Variants in KDM2B observed in about 807,000 individuals in gnomAD.
KDM2B encodes lysine-specific demethylase 2B.
A neutral mutation model predicts 150.0 loss-of-function variants in KDM2B; 26 were observed. The ratio of observed to expected loss-of-function variants is 0.17; its 90% CI spans 0.13 to 0.24. The LOEUF is 0.24. KDM2B is among the 10% of genes least tolerant of loss of function. The pLI is 1.00. For synonymous variants in KDM2B, 734 were observed against 729.5 expected (o/e 1.01, Z -0.10); for missense variants, 1,265 against 1,816.9 (o/e 0.70, Z 5.52).
At chr12:121,485,797 G>C (rs1405475150) in intron 12 of KDM2B, among the ~76,000 whole-genome samples, 2 of 150,106 alleles carry the variant, frequency 1.3e-5, no homozygotes, top group African/African-American at 4.9e-5. Flanking sequence ...TTTTTTTTGA[G>C]ATGGAGTCTT....
chr12:121,435,658 G>A (rs903094491), intron 22 of KDM2B, among the ~76,000 whole-genome samples: 1 of 152,078 alleles, frequency 6.6e-6, no homozygotes, highest in East Asian at 1.9e-4. Context: ...AAAAGTGGGG[G>A]CTAAGGGAAA....
At chr12:121,445,754 A>C (rs889386590) in intron 13 of KDM2B, among the ~76,000 whole-genome samples, 6 of 152,254 alleles carry the variant, frequency 3.9e-5, no homozygotes, top group Admixed American at 1.3e-4. Context: ...GGCTGGAGTG[A>C]GGGGCAGAAG....
chr12:121,442,187 C>G lies in KDM2B; in HGVS notation c.3254G>C (p.Cys1085Ser). 1.2e-6 allele frequency: 2 copies of G among 1,613,572 alleles called. No individual in the cohort carries two copies. Among genetic ancestry groups the G allele is most frequent in the Non-Finnish European group, 1.7e-6 (2 of 1,179,948 alleles). ...GTTCCAGGTCCTGCAGACCCGCATG[C>G]ACACACACAGGTCTTGGTGGCTGAG... is the stretch of plus-strand genomic sequence containing the variant. The part of the protein sequence containing the change: ...SYLSHQDLCV[C>S]MRVCRTWNRW... The change falls in exon 19 of 23, where the codon TGC becomes TCC. Residue 1085 changes from cysteine to serine, a missense_variant. Physicochemically the swap from Cys to Ser is moderately radical, Grantham distance 112. This residue lies in a region of KDM2B where 251 missense variants were observed against 397.8 expected (regional missense o/e 0.63). Coordinates refer to ENST00000377071, the MANE Select transcript of KDM2B (RefSeq NM_032590.5). This position sits in a 1 kb window ranked among gnomAD's most constrained non-coding sequence, Gnocchi z 7.7.
intron 11 of KDM2B, among the ~76,000 whole-genome samples, chr12:121,507,523 C>G (rs186303571): frequency 6.6e-6 from 1 of 152,190 alleles, no homozygotes; most frequent in South Asian, 2.1e-4. Context: ...GCGCTGCTTG[C>G]GCTTTTTCTA....
intron 12 of KDM2B, among the ~76,000 whole-genome samples, chr12:121,474,359 CA>C (rs1208144570): frequency 2.0e-5 from 3 of 151,768 alleles, no homozygotes; most frequent in Admixed American, 6.6e-5. Flanking sequence ...CTAAAAAATA[CA>C]AAAAAATTAG....
Position 121,578,877 on chromosome 12 carries a change from G to T in KDM2B, c.196C>A (p.Arg66Ser). ...AGCTTCTCCTCCAGGCTGAAGCCGC[G>T]GACGCTGACGATCTCCTCCACGTCC... Reference protein sequence around the residue: ...LSDVEEIVSVRGFSLEEKLRS... With the variant: ...LSDVEEIVSVSGFSLEEKLRS... Residue 66 changes from arginine to serine, a missense_variant, in exon 2 of 23, where the codon CGC becomes AGC. Around this residue, in one of 11 missense-constraint regions of KDM2B, gnomAD observed 214 missense variants for 447.4 expected, o/e 0.48. Coordinates refer to ENST00000377071, the MANE Select transcript of KDM2B (RefSeq NM_032590.5). The T allele has an allele frequency of 6.2e-7, 1 of 1,612,770 alleles. No individual in the cohort carries two copies. Among genetic ancestry groups the T allele is most frequent in the African/African-American group, 1.3e-5 (1 of 75,014 alleles).
chr12:121,540,020 A>G (rs1888476102), intron 6 of KDM2B, among the ~76,000 whole-genome samples: 1 of 152,156 alleles, frequency 6.6e-6, no homozygotes, highest in Non-Finnish European at 1.5e-5. Flanking sequence ...GATCACAGAC[A>G]TGAGCCACCG....
At chr12:121,438,454 G>A (rs10444489) in intron 22 of KDM2B, among the ~76,000 whole-genome samples, 3 of 152,052 alleles carry the variant, frequency 2.0e-5, no homozygotes, top group Non-Finnish European at 4.4e-5. Flanking sequence ...ATGAAGAGAT[G>A]TAATAAAATG....
intron 11 of KDM2B, among the ~76,000 whole-genome samples, chr12:121,500,575 G>A (rs1463062047): frequency 1.8e-4 from 27 of 152,250 alleles, no homozygotes; most frequent in Admixed American, 1.6e-3. Flanking sequence ...ATATCCCACT[G>A]TGAAAACAAG....
At chr12:121,492,984 C>G (rs1328997622) in intron 12 of KDM2B, among the ~76,000 whole-genome samples, 1 of 151,334 alleles carries the variant, frequency 6.6e-6, no homozygotes, top group Non-Finnish European at 1.5e-5. Flanking sequence ...CAGCCTCAAG[C>G]TCCTGGGCTC....
chr12:121,486,123 T>C (rs1882726828), intron 12 of KDM2B, among the ~76,000 whole-genome samples: 1 of 150,804 alleles, frequency 6.6e-6, no homozygotes, highest in South Asian at 2.1e-4. Context: ...CATTTTTTTT[T>C]TTTTGAGATG....
At chr12:121,558,172 A>T (rs56143622) in intron 4 of KDM2B, among the ~76,000 whole-genome samples, 4,085 of 152,248 alleles carry the variant, frequency 0.027, 175 homozygotes, top group African/African-American at 0.094. Flanking sequence ...TAGAACAGAG[A>T]CTGGTGCAGG....
At chr12:121,529,622 G>C (rs1887454245) in intron 8 of KDM2B, among the ~76,000 whole-genome samples, 1 of 151,924 alleles carries the variant, frequency 6.6e-6, no homozygotes, top group Admixed American at 6.6e-5. Flanking sequence ...CCCAGGCCTG[G>C]GGAGGACCTA....
At chr12:121,443,821 G>C (rs781983864) in intron 16 of KDM2B, 28 bp from the exon 17 acceptor site, 6 of 1,450,978 alleles carry the variant, frequency 4.1e-6, no homozygotes, top group Non-Finnish European at 5.7e-6. Flanking sequence ...GGGAAGAGGA[G>C]TGACTCGCTG....
In KDM2B at chr12:121,452,439, T is replaced by A. The variant is rs1877446256; in HGVS notation, c.1959+681A>T. On this transcript the variant is annotated intron_variant, in intron 13 of 22. Coordinates refer to ENST00000377071, the MANE Select transcript of KDM2B (RefSeq NM_032590.5). This position sits in a 1 kb window ranked among gnomAD's most constrained non-coding sequence, Gnocchi z 4.4. ...AGATGAGCGCACCAGGGCCGAGGAA[T>A]CCCGTCCCTCCAGCCGAGCCTGCTT... Among the ~76,000 whole-genome samples the A allele has an allele frequency of 6.6e-6, 1 of 152,128 alleles. No individual in the cohort carries two copies. The highest frequency in any genetic ancestry group is 6.5e-5 in the Admixed American group (1 of 15,276).
intron 6 of KDM2B, among the ~76,000 whole-genome samples, chr12:121,541,359 G>A (rs1213459669): frequency 7.7e-6 from 1 of 129,538 alleles, no homozygotes; most frequent in East Asian, 2.5e-4. Flanking sequence ...TTGTGCCACT[G>A]CACTGAAGCC....
chr12:121,442,661 G>A lies in KDM2B; in HGVS notation c.2780C>T (p.Pro927Leu), dbSNP rs1555288813. 4 of 1,605,584 alleles carry A rather than the reference G, an allele frequency of 2.5e-6. No homozygotes were observed. Among genetic ancestry groups the A allele is most frequent in the South Asian group, 1.1e-5 (1 of 90,436 alleles). ...CATCTTCACCTTCTTCTTCTCCTCC[G>A]GGCCCTCGGCCCCTTCGGTGCTGGG... ...AGPSTEGAEG[P>L]EEKKKVKMRR... Residue 927 changes from proline to leucine, a missense_variant, in exon 19 of 23, where the codon CCG becomes CTG. By Grantham distance (98) the Pro-to-Leu change is moderately conservative. This residue lies in a region of KDM2B where 418 missense variants were observed against 402.4 expected (regional missense o/e 1.04). Transcript: ENST00000377071. This position sits in a 1 kb window ranked among gnomAD's most constrained non-coding sequence, Gnocchi z 7.7.
intron 22 of KDM2B, among the ~76,000 whole-genome samples, chr12:121,434,884 G>A (rs1460509308): frequency 1.3e-5 from 2 of 152,206 alleles, no homozygotes; most frequent in Non-Finnish European, 2.9e-5. Context: ...ATGAACCCAG[G>A]AGGCGGAAGC....
chr12:121,501,706 C>T (rs1394654802), intron 11 of KDM2B, among the ~76,000 whole-genome samples: 2 of 147,440 alleles, frequency 1.4e-5, no homozygotes, highest in African/African-American at 2.7e-5. Flanking sequence ...CTGCAACCTC[C>T]GCCTCCTGGG....
Sources: allele counts gnomAD v4.1 joint callset (sites outside exome capture counted in the v4.1 genomes callset), GRCh38; gene constraint gnomAD v4.1.1; regional missense constraint gnomAD v4.1.1; non-coding constraint Gnocchi (gnomAD v3.1); transcripts MANE v1.5; gene names NCBI Gene and HGNC (gene_info 2026-07-23, HGNC 2026-07-21).